The following ZMAT4 variants were observed in gnomAD, a reference collection of about 807,000 sequenced individuals.
The protein encoded by ZMAT4 is zinc finger matrin-type 4, also known as zinc finger matrin-type protein 4.
Under a neutral mutation model 28.7 loss-of-function variants are expected in ZMAT4, and 17 were observed. That is an observed-to-expected ratio of 0.59 (90% confidence interval 0.41 to 0.89). ZMAT4 has a LOEUF of 0.89. ZMAT4 is among the 40% of genes least tolerant of loss of function. ZMAT4 has a pLI of 0.00. For synonymous variants in ZMAT4, 117 were observed against 109.2 expected, an observed-to-expected ratio of 1.07 and a Z score of -0.44; for missense variants, 240 against 283.8, an observed-to-expected ratio of 0.85 and a Z score of 1.11.
At chr8:40,625,949 A>T (rs1211540196) in intron 5 of ZMAT4, among the ~76,000 whole-genome samples, 1 of 152,150 alleles carries the variant, frequency 6.6e-6, no homozygotes, top group Admixed American at 6.5e-5. Flanking sequence ...CATCTCTACT[A>T]AAAATACAAA....
chr8:40,649,187 G>A (rs534161089), intron 5 of ZMAT4, among the ~76,000 whole-genome samples: 273 of 152,166 alleles, frequency 1.8e-3, no homozygotes, highest in African/African-American at 5.9e-3. Context: ...CCCAACTCAC[G>A]TGCAGAGACA....
chr8:40,571,984 G>T (rs762140741), intron 6 of ZMAT4, among the ~76,000 whole-genome samples: 2 of 152,076 alleles, frequency 1.3e-5, no homozygotes, highest in African/African-American at 2.4e-5. Flanking sequence ...ATTCTACAAA[G>T]AATATTAATA....
At chr8:40,862,582 ATT>A (rs1817536856) in intron 1 of ZMAT4, among the ~76,000 whole-genome samples, 9 of 97,266 alleles carry the variant, frequency 9.3e-5, no homozygotes, top group Admixed American at 3.3e-4. Flanking sequence ...AAAAAAAAAA[ATT>A]AAAAAAAAAA....
intron 1 of ZMAT4, among the ~76,000 whole-genome samples, chr8:40,826,246 T>C (rs1385194263): frequency 2.0e-5 from 3 of 152,208 alleles, no homozygotes; most frequent in Non-Finnish European, 4.4e-5. Flanking sequence ...TAGAAAACTA[T>C]GTGGCTTCCA....
intron 5 of ZMAT4, 45 bp downstream of exon 5, chr8:40,674,659 C>T: frequency 2.0e-6 from 3 of 1,521,056 alleles, no homozygotes; most frequent in Non-Finnish European, 2.7e-6. Context: ...CATCTTTTCT[C>T]TGAAAGCCCA....
intron 6 of ZMAT4, among the ~76,000 whole-genome samples, chr8:40,558,467 G>T (rs931525768): frequency 6.6e-6 from 1 of 152,090 alleles, no homozygotes; most frequent in Non-Finnish European, 1.5e-5. Context: ...CAGATTTGAG[G>T]CGTGTGGAGG....
At chr8:40,641,585 C>T (rs577341075) in intron 5 of ZMAT4, among the ~76,000 whole-genome samples, 12 of 152,292 alleles carry the variant, frequency 7.9e-5, no homozygotes, top group African/African-American at 2.2e-4. Context: ...CAACTTGATG[C>T]ATTTGGAGAT....
intron 4 of ZMAT4, among the ~76,000 whole-genome samples, chr8:40,695,517 C>A (rs1312321803): frequency 6.6e-6 from 1 of 152,240 alleles, no homozygotes; most frequent in Non-Finnish European, 1.5e-5. Context: ...CCCTTCTTGC[C>A]TATCCAGCAA....
chr8:40,895,849 G>A (rs1051003032), intron 1 of ZMAT4, among the ~76,000 whole-genome samples: 1 of 152,186 alleles, frequency 6.6e-6, no homozygotes, highest in African/African-American at 2.4e-5. Flanking sequence ...CCACGTGCTG[G>A]GGGCTGCCCC....
chr8:40,813,787 A>G (rs1285653891), intron 2 of ZMAT4, among the ~76,000 whole-genome samples: 1 of 152,264 alleles, frequency 6.6e-6, no homozygotes, highest in Non-Finnish European at 1.5e-5. Flanking sequence ...TCGGACCAGA[A>G]GGCAGGGAAA....
At chr8:40,816,131 C>T (rs141202615) in intron 2 of ZMAT4, among the ~76,000 whole-genome samples, 4 of 152,316 alleles carry the variant, frequency 2.6e-5, no homozygotes, top group African/African-American at 9.6e-5. Context: ...TGACATGCCC[C>T]AGCCTCTCTA....
intron 5 of ZMAT4, among the ~76,000 whole-genome samples, chr8:40,599,383 ATATG>A: frequency 6.7e-6 from 1 of 149,460 alleles, no homozygotes. Flanking sequence ...CAGCACATAT[ATATG>A]TGTGTGTGTA....
intron 5 of ZMAT4, among the ~76,000 whole-genome samples, chr8:40,602,643 T>A (rs192682833): frequency 2.3e-4 from 35 of 152,348 alleles, no homozygotes; most frequent in African/African-American, 6.5e-4. Flanking sequence ...GCATTTTTCA[T>A]ATGTTTTTTG....
At chr8:40,570,727 AAAAC>A (rs56953458) in intron 6 of ZMAT4, among the ~76,000 whole-genome samples, 4 of 151,012 alleles carry the variant, frequency 2.6e-5, no homozygotes, top group African/African-American at 4.9e-5. Flanking sequence ...ACAACGACAG[AAAAC>A]AAACAAACAA....
At chr8:40,870,373 T>G (rs1817814422) in intron 1 of ZMAT4, among the ~76,000 whole-genome samples, 1 of 152,204 alleles carries the variant, frequency 6.6e-6, no homozygotes, top group Non-Finnish European at 1.5e-5. Flanking sequence ...GACTCCCATG[T>G]GTATGCATGT....
intron 5 of ZMAT4, among the ~76,000 whole-genome samples, chr8:40,630,519 C>T (rs1427600673): frequency 6.6e-6 from 1 of 152,174 alleles, no homozygotes; most frequent in Non-Finnish European, 1.5e-5. Flanking sequence ...TGGACATCAT[C>T]ATGCTGACGA....
intron 6 of ZMAT4, among the ~76,000 whole-genome samples, chr8:40,551,881 A>G (rs922468967): frequency 1.3e-5 from 2 of 152,176 alleles, no homozygotes; most frequent in Non-Finnish European, 2.9e-5. Flanking sequence ...TTGCAGTGAG[A>G]CACATAAGCT....
At chr8:40,694,140 G>A (rs1172570523) in intron 4 of ZMAT4, among the ~76,000 whole-genome samples, 1 of 152,134 alleles carries the variant, frequency 6.6e-6, no homozygotes, top group Non-Finnish European at 1.5e-5. Flanking sequence ...GGTTCCTAGA[G>A]GAGCACAAGG....
intron 3 of ZMAT4, among the ~76,000 whole-genome samples, chr8:40,741,200 T>C (rs1287335217): frequency 6.6e-6 from 1 of 152,080 alleles, no homozygotes; most frequent in Non-Finnish European, 1.5e-5. Flanking sequence ...ATCCTAGCAC[T>C]TTGGGAGGCC....
Sources: allele counts gnomAD v4.1 joint callset (sites outside exome capture counted in the v4.1 genomes callset), GRCh38; gene constraint gnomAD v4.1.1; transcripts MANE v1.5; gene names NCBI Gene and HGNC (gene_info 2026-07-23, HGNC 2026-07-21).